DPP10: variants seen among roughly 807,000 people sequenced by gnomAD.
DPP10 encodes the protein dipeptidyl peptidase like 10.
Under a neutral mutation model 120.9 loss-of-function variants are expected in DPP10, and 33 were observed. That is an observed-to-expected ratio of 0.27 (90% CI 0.21 to 0.37). The LOEUF is 0.37. Ranked by LOEUF, DPP10 falls within the 10% of genes least tolerant of loss-of-function variation. The probability of loss-of-function intolerance (pLI) is 1.00; values close to 1 mark genes in which losing one functional copy is unlikely to be tolerated. For missense variants in DPP10, 816 were observed against 942.8 expected (o/e 0.87, Z 1.76); for synonymous variants, 337 against 326.1 (o/e 1.03, Z -0.36).
intron 3 of DPP10, among the ~76,000 whole-genome samples, chr2:115,425,325 C>T (rs1470897002): frequency 2.6e-5 from 4 of 152,262 alleles, no homozygotes; most frequent in Non-Finnish European, 4.4e-5. Flanking sequence ...TTACTTTCAA[C>T]TAAGTACTAT....
chr2:115,661,996 G>A (rs1402609339), intron 5 of DPP10, among the ~76,000 whole-genome samples: 1 of 152,032 alleles, frequency 6.6e-6, no homozygotes, highest in Non-Finnish European at 1.5e-5. Flanking sequence ...AAAATTTTAT[G>A]CCCTCTGACT....
intron 1 of DPP10, among the ~76,000 whole-genome samples, chr2:114,720,413 A>G (rs1312687630): frequency 6.6e-6 from 1 of 152,244 alleles, no homozygotes; most frequent in East Asian, 1.9e-4. Context: ...GTTGAAGGAT[A>G]AAATAAAGAT....
chr2:115,161,109 G>C (rs1050366926), intron 1 of DPP10: 1 of 152,308 alleles, frequency 6.6e-6, no homozygotes, highest in Non-Finnish European at 1.5e-5. Context: ...CCGACCTTTA[G>C]GAGTTCCACC....
At chr2:115,424,917 A>C (rs1357807213) in intron 3 of DPP10, among the ~76,000 whole-genome samples, 5 of 152,232 alleles carry the variant, frequency 3.3e-5, no homozygotes, top group Admixed American at 3.3e-4. Context: ...TTGAGTCTGC[A>C]CTAATGGGTA....
chr2:114,470,379 A>C (rs778956349), intron 1 of DPP10, among the ~76,000 whole-genome samples: 43 of 152,226 alleles, frequency 2.8e-4, no homozygotes, highest in Non-Finnish European at 5.7e-4. Context: ...TTTTTGGCCA[A>C]TAAAATTAAA....
intron 1 of DPP10, among the ~76,000 whole-genome samples, chr2:114,545,614 TAGC>T (rs1687328978): frequency 6.6e-6 from 1 of 152,356 alleles, no homozygotes; most frequent in Admixed American, 6.5e-5. Context: ...TGTGAACTGT[TAGC>T]AGGTACATGA....
At chr2:115,773,947 A>G (rs1029429401) in intron 13 of DPP10, among the ~76,000 whole-genome samples, 1 of 152,046 alleles carries the variant, frequency 6.6e-6, no homozygotes, top group African/African-American at 2.4e-5. Context: ...TCCCCATACC[A>G]TATTTGCCCT....
At chr2:115,223,808 C>T (rs147517001) in intron 1 of DPP10, among the ~76,000 whole-genome samples, 42 of 152,140 alleles carry the variant, frequency 2.8e-4, no homozygotes, top group African/African-American at 9.4e-4. Flanking sequence ...CAAAGATGTC[C>T]TGGAATGTTT....
At chr2:115,839,570 A>T (rs923854797) in intron 24 of DPP10, among the ~76,000 whole-genome samples, 2 of 149,574 alleles carry the variant, frequency 1.3e-5, no homozygotes, top group African/African-American at 4.9e-5. Context: ...GCTACTCAGG[A>T]GGCTGAGGCA....
intron 3 of DPP10, among the ~76,000 whole-genome samples, chr2:115,449,074 A>G (rs1203190171): frequency 6.6e-6 from 1 of 152,192 alleles, no homozygotes; most frequent in Non-Finnish European, 1.5e-5. Flanking sequence ...AAGAAAAAGA[A>G]ATGCTGAACT....
intron 1 of DPP10, among the ~76,000 whole-genome samples, chr2:114,866,265 A>C (rs1178082456): frequency 6.6e-6 from 1 of 151,942 alleles, no homozygotes; most frequent in African/African-American, 2.4e-5. Flanking sequence ...GTAGCTAATA[A>C]GAAAAGAAAA....
rs941013443 is a variant in DPP10 at position 115,777,246 on chromosome 2, A to T, written c.1260A>T (p.Ser420=). Residue 420 remains serine (S), a synonymous_variant, in exon 14 of 26, where the codon TCA becomes TCT. Coordinates refer to ENST00000410059, the MANE Select transcript of DPP10 (RefSeq NM_020868.6). ...SEQITVRHLT[S]GNWEVIKILA... ...AAATTACCGTGCGGCATCTGACATC[A>T]GGAAACTGGGAAGTGATAAAGATCT... 6.2e-7 allele frequency: 1 copy of T among 1,613,122 alleles called. No homozygotes were observed. Among genetic ancestry groups the T allele is most frequent in the Admixed American group, 1.7e-5 (1 of 59,912 alleles).
At chr2:115,424,995 A>G (rs2070324398) in intron 3 of DPP10, among the ~76,000 whole-genome samples, 1 of 152,188 alleles carries the variant, frequency 6.6e-6, no homozygotes, top group Non-Finnish European at 1.5e-5. Context: ...AGAGAGAAGT[A>G]GAATCGTTGG....
intron 1 of DPP10, among the ~76,000 whole-genome samples, chr2:114,912,795 C>T (rs898096359): frequency 6.6e-6 from 1 of 152,174 alleles, no homozygotes; most frequent in African/African-American, 2.4e-5. Context: ...CTGCAGCAGA[C>T]TACATGATTC....
chr2:114,646,369 A>C (rs980027469), intron 1 of DPP10, among the ~76,000 whole-genome samples: 4 of 151,982 alleles, frequency 2.6e-5, no homozygotes, highest in Non-Finnish European at 4.4e-5. Context: ...TAAAATGAGA[A>C]CAGGAGGCCA....
intron 2 of DPP10, among the ~76,000 whole-genome samples, chr2:115,321,436 C>G (rs926964178): frequency 2.0e-5 from 3 of 151,326 alleles, no homozygotes; most frequent in South Asian, 2.1e-4. Flanking sequence ...GGTTTTCTTT[C>G]GCTGCTTGCA....
At chr2:114,640,316 G>T (rs141894767) in intron 1 of DPP10, among the ~76,000 whole-genome samples, 7 of 151,820 alleles carry the variant, frequency 4.6e-5, no homozygotes, top group African/African-American at 1.5e-4. Context: ...ACCCTATTTG[G>T]CTTTTGCTGT....
intron 1 of DPP10, among the ~76,000 whole-genome samples, chr2:114,683,969 T>C (rs897514424): frequency 2.0e-5 from 3 of 152,008 alleles, no homozygotes; most frequent in Non-Finnish European, 1.5e-5. Flanking sequence ...TGATAGTTTT[T>C]GTATTGTATT....
chr2:115,162,396 G>C, intron 1 of DPP10: 2 of 1,286,094 alleles, frequency 1.6e-6, no homozygotes, highest in Non-Finnish European at 2.1e-6. Context: ...AATCTGCTGC[G>C]CTCCTGACGG....
Sources: allele counts gnomAD v4.1 joint callset (sites outside exome capture counted in the v4.1 genomes callset), GRCh38; gene constraint gnomAD v4.1.1; transcripts MANE v1.5; gene names NCBI Gene and HGNC (gene_info 2026-07-23, HGNC 2026-07-21).